RCAN2: variants seen among roughly 807,000 people sequenced by gnomAD.
The protein encoded by RCAN2 is calcipressin-2.
In RCAN2, 9 loss-of-function variants were observed where a neutral mutation model predicts 23.6. The observed-to-expected ratio is 0.38, with a 90% CI of 0.23 to 0.67. The LOEUF (loss-of-function observed/expected upper bound fraction) is 0.67. Ranked by LOEUF, RCAN2 falls within the 30% of genes least tolerant of loss-of-function variation. The pLI is 0.51. For synonymous variants in RCAN2, 109 were observed against 115.7 expected (o/e 0.94, Z 0.37); for missense variants, 273 against 302.3 (o/e 0.90, Z 0.72).
chr6:46,440,665 A>G (rs1767512264), intron 2 of RCAN2, among the ~76,000 whole-genome samples: 1 of 152,108 alleles, frequency 6.6e-6, no homozygotes, highest in Non-Finnish European at 1.5e-5. Flanking sequence ...AATAAGAAAA[A>G]AGATAGTTGC....
intron 2 of RCAN2, among the ~76,000 whole-genome samples, chr6:46,329,001 T>C (rs1473502500): frequency 6.6e-6 from 1 of 152,170 alleles, no homozygotes; most frequent in Non-Finnish European, 1.5e-5. Flanking sequence ...CAAGGCCTTG[T>C]AAACACTAGA....
chr6:46,400,880 C>T (rs747348370), intron 2 of RCAN2, among the ~76,000 whole-genome samples: 21 of 152,304 alleles, frequency 1.4e-4, no homozygotes, highest in Middle Eastern at 3.4e-3. Flanking sequence ...TTTTAAAAGA[C>T]GCCCTTCACA....
chr6:46,293,738 G>T (rs1012375219), intron 2 of RCAN2, among the ~76,000 whole-genome samples: 1 of 152,084 alleles, frequency 6.6e-6, no homozygotes, highest in African/African-American at 2.4e-5. Context: ...TATGAGAAAG[G>T]CTTGCTCAGG....
intron 1 of RCAN2, among the ~76,000 whole-genome samples, chr6:46,466,589 A>AT (rs1387725998): frequency 6.6e-6 from 1 of 152,102 alleles, no homozygotes. Flanking sequence ...ACAGTATGCT[A>AT]TTTTTTCCCA....
intron 2 of RCAN2, among the ~76,000 whole-genome samples, chr6:46,287,342 A>G (rs912609349): frequency 6.6e-6 from 1 of 152,238 alleles, no homozygotes; most frequent in Non-Finnish European, 1.5e-5. Flanking sequence ...TTATACAAAC[A>G]CTTACGTAGC....
intron 2 of RCAN2, among the ~76,000 whole-genome samples, chr6:46,361,834 A>C (rs1046617684): frequency 6.6e-6 from 1 of 152,210 alleles, no homozygotes; most frequent in African/African-American, 2.4e-5. Flanking sequence ...TGATACCTAA[A>C]GAGGAGTTTG....
intron 2 of RCAN2, among the ~76,000 whole-genome samples, chr6:46,332,166 T>C (rs560967333): frequency 1.3e-5 from 2 of 152,304 alleles, no homozygotes; most frequent in African/African-American, 4.8e-5. Context: ...TATAATTATA[T>C]AAAATATTTC....
intron 1 of RCAN2, among the ~76,000 whole-genome samples, chr6:46,464,396 G>A (rs897020194): frequency 1.3e-5 from 2 of 152,074 alleles, no homozygotes; most frequent in Non-Finnish European, 2.9e-5. Flanking sequence ...TTTATTATCA[G>A]CATTCATTTT....
intron 2 of RCAN2, among the ~76,000 whole-genome samples, chr6:46,342,545 C>T (rs1165945049): frequency 1.4e-5 from 1 of 69,944 alleles, no homozygotes; most frequent in Admixed American, 1.6e-4. Context: ...GGGTGAGACC[C>T]TGTCTCTTAA....
rs1053417164 is a variant in RCAN2, at chr6:46,221,777, T to G, written c.*1364A>C. 2.5e-6 allele frequency: 1 copy of G among 395,650 alleles called. No individual in the cohort carries two copies. The highest frequency in any genetic ancestry group is 4.5e-6 in the Non-Finnish European group (1 of 224,612). 24.5% of individuals were successfully genotyped at this position (395,650 alleles called of 1,614,324 possible). Reference sequence around the variant, plus strand: ...TCCCCACTCCATTGTAATCTGCGTTTGCATCTAAAGTAATTCATTAATGTA... The same window carrying G: ...TCCCCACTCCATTGTAATCTGCGTTGGCATCTAAAGTAATTCATTAATGTA... On this transcript the variant is annotated 3_prime_UTR_variant, in exon 5 of 5. Transcript: ENST00000371374.
chr6:46,260,976 T>C (rs1002028609), intron 2 of RCAN2, among the ~76,000 whole-genome samples: 8 of 152,078 alleles, frequency 5.3e-5, no homozygotes, highest in Admixed American at 2.0e-4. Context: ...AGTCCTTTTA[T>C]AGCTGCCACA....
chr6:46,472,705 C>CAAG (rs1768599589), intron 1 of RCAN2, among the ~76,000 whole-genome samples: 1 of 152,126 alleles, frequency 6.6e-6, no homozygotes, highest in Admixed American at 6.5e-5. Flanking sequence ...AACATTGTAC[C>CAAG]AAGTATCTAG....
intron 2 of RCAN2, among the ~76,000 whole-genome samples, chr6:46,338,992 G>T (rs919226374): frequency 8.2e-6 from 1 of 121,342 alleles, no homozygotes; most frequent in Non-Finnish European, 1.7e-5. Flanking sequence ...TCCAGCCTGG[G>T]TGACAAAGCG....
At chr6:46,247,609 C>T (rs114533858) in intron 3 of RCAN2, among the ~76,000 whole-genome samples, 2,096 of 152,268 alleles carry the variant, frequency 0.014, 49 homozygotes, top group African/African-American at 0.047. Flanking sequence ...AATATGTGAC[C>T]TTTTGTGTCT....
At chr6:46,224,380 A>G (rs938008321) in intron 4 of RCAN2, among the ~76,000 whole-genome samples, 6 of 152,206 alleles carry the variant, frequency 3.9e-5, no homozygotes, top group African/African-American at 1.4e-4. Flanking sequence ...GTGGCTCTCT[A>G]GATCTCACAA....
chr6:46,352,300 TTAAG>T (rs1194168009), intron 2 of RCAN2, among the ~76,000 whole-genome samples: 3 of 152,126 alleles, frequency 2.0e-5, no homozygotes, highest in East Asian at 3.9e-4. Flanking sequence ...TCACAGCTAA[TTAAG>T]TAAGAAAATA....
At chr6:46,382,184 T>G (rs1376305469) in intron 2 of RCAN2, among the ~76,000 whole-genome samples, 1 of 152,236 alleles carries the variant, frequency 6.6e-6, no homozygotes, top group Admixed American at 6.5e-5. Context: ...ATAATTCACT[T>G]AACTTCTGTA....
At chr6:46,265,799 C>T (rs1482141500) in intron 2 of RCAN2, among the ~76,000 whole-genome samples, 1 of 152,068 alleles carries the variant, frequency 6.6e-6, no homozygotes, top group Non-Finnish European at 1.5e-5. Context: ...ATTTTTATTC[C>T]ATAAAATTTC....
chr6:46,251,934 G>A (rs1471384737), intron 2 of RCAN2, among the ~76,000 whole-genome samples: 1 of 152,134 alleles, frequency 6.6e-6, no homozygotes, highest in East Asian at 1.9e-4. Context: ...GTAGTCCAGA[G>A]CTCAGGCACC....
Sources: gnomAD v4.1 joint callset for allele counts (sites outside exome capture counted in the v4.1 genomes callset) on GRCh38, gnomAD v4.1.1 for gene constraint, MANE v1.5 for transcripts, NCBI Gene and HGNC (gene_info 2026-07-23, HGNC 2026-07-21) for gene names.